The following TOX variants were observed in gnomAD, a reference collection of about 807,000 sequenced individuals.
The protein encoded by TOX is thymocyte selection-associated high mobility group box protein TOX.
Under a neutral mutation model 53.7 loss-of-function variants are expected in TOX, and 11 were observed. That is an observed-to-expected ratio of 0.20 (90% CI 0.13 to 0.34). TOX has a LOEUF of 0.34. Among genes scored for constraint, TOX ranks in the 10% least tolerant of loss-of-function variants. The pLI is 1.00. For synonymous variants in TOX, 225 were observed against 245.3 expected (o/e 0.92, Z 0.77); for missense variants, 570 against 664.6 (o/e 0.86, Z 1.56).
intron 1 of TOX, among the ~76,000 whole-genome samples, chr8:59,084,625 C>T: frequency 6.6e-6 from 1 of 152,102 alleles, no homozygotes; most frequent in East Asian, 1.9e-4. Context: ...TTTAAGACTT[C>T]AATAGATTGG....
chr8:58,980,585 T>C (rs577657566), intron 1 of TOX, among the ~76,000 whole-genome samples: 1 of 152,340 alleles, frequency 6.6e-6, no homozygotes, highest in South Asian at 2.1e-4. Flanking sequence ...ATTGATTGAC[T>C]AATTAATTCA....
intron 1 of TOX, among the ~76,000 whole-genome samples, chr8:59,017,169 T>C (rs1384384909): frequency 6.6e-6 from 1 of 152,248 alleles, no homozygotes; most frequent in Non-Finnish European, 1.5e-5. Context: ...ATTACTAACA[T>C]TCCGCAAGTA....
At chr8:58,993,264 T>C (rs1813490282) in intron 1 of TOX, among the ~76,000 whole-genome samples, 4 of 152,232 alleles carry the variant, frequency 2.6e-5, no homozygotes, top group Admixed American at 2.0e-4. Flanking sequence ...ATATACTGTT[T>C]TAATTAAGAT....
chr8:58,967,013 T>C (rs1296627140), intron 1 of TOX, among the ~76,000 whole-genome samples: 2 of 151,988 alleles, frequency 1.3e-5, no homozygotes, highest in East Asian at 3.9e-4. Context: ...TAGCTGGGAC[T>C]ACGGGCGCCC....
intron 3 of TOX, among the ~76,000 whole-genome samples, chr8:58,923,614 C>T (rs1262643270): frequency 2.0e-5 from 3 of 152,176 alleles, no homozygotes; most frequent in Non-Finnish European, 4.4e-5. Context: ...TGATTCCTTA[C>T]ATCATTTTAT....
chr8:59,110,741 G>T (rs1805002001), intron 1 of TOX, among the ~76,000 whole-genome samples: 1 of 151,750 alleles, frequency 6.6e-6, no homozygotes, highest in South Asian at 2.1e-4. Context: ...GCCCCCCGGG[G>T]GGCCTATCAA....
At chr8:59,067,381 C>T (rs1160211767) in intron 1 of TOX, among the ~76,000 whole-genome samples, 3 of 151,964 alleles carry the variant, frequency 2.0e-5, no homozygotes, top group Non-Finnish European at 4.4e-5. Flanking sequence ...TGGTGAAACC[C>T]CATCTCTACT....
chr8:59,102,553 A>G (rs183896358), intron 1 of TOX, among the ~76,000 whole-genome samples: 1 of 152,188 alleles, frequency 6.6e-6, no homozygotes, highest in Non-Finnish European at 1.5e-5. Context: ...TAAAACCATC[A>G]GAACTCGTGA....
intron 1 of TOX, among the ~76,000 whole-genome samples, chr8:59,072,648 T>C (rs1453739624): frequency 6.6e-6 from 1 of 152,226 alleles, no homozygotes; most frequent in Non-Finnish European, 1.5e-5. Flanking sequence ...TTGTAGACCA[T>C]GATACTATCT....
chr8:59,101,101 C>T (rs900920223), intron 1 of TOX, among the ~76,000 whole-genome samples: 13 of 152,052 alleles, frequency 8.5e-5, no homozygotes, highest in Admixed American at 5.9e-4. Flanking sequence ...AAAGGAAAAG[C>T]GCAGAGAGGG....
intron 1 of TOX, among the ~76,000 whole-genome samples, chr8:59,068,569 T>G (rs952099706): frequency 2.6e-5 from 4 of 152,212 alleles, no homozygotes; most frequent in African/African-American, 9.6e-5. Flanking sequence ...TTATTGAGAC[T>G]TACTCTTCTT....
intron 3 of TOX, among the ~76,000 whole-genome samples, chr8:58,927,864 T>TC (rs1421171779): frequency 6.6e-6 from 1 of 151,974 alleles, no homozygotes; most frequent in African/African-American, 2.4e-5. Flanking sequence ...TGGAATCACT[T>TC]CCCCACGGTC....
intron 3 of TOX, among the ~76,000 whole-genome samples, chr8:58,926,925 G>C (rs559362528): frequency 4.2e-4 from 64 of 152,272 alleles, no homozygotes; most frequent in African/African-American, 1.5e-3. Flanking sequence ...TAGCTGGAAA[G>C]CTAATGTCTT....
intron 3 of TOX, among the ~76,000 whole-genome samples, chr8:58,899,677 A>G (rs1423582751): frequency 6.6e-6 from 1 of 152,224 alleles, no homozygotes; most frequent in Non-Finnish European, 1.5e-5. Context: ...GGAATCCAAA[A>G]TGCTCTGAAA....
intron 3 of TOX, among the ~76,000 whole-genome samples, chr8:58,872,346 G>A (rs980637470): frequency 3.3e-5 from 5 of 152,024 alleles, no homozygotes; most frequent in Non-Finnish European, 7.4e-5. Context: ...CAATGCCAAA[G>A]AATTTCAAAT....
intron 3 of TOX, among the ~76,000 whole-genome samples, chr8:58,924,952 A>G (rs886417964): frequency 7.2e-5 from 11 of 152,320 alleles, no homozygotes; most frequent in Admixed American, 2.6e-4. Flanking sequence ...ATGCGAGAGA[A>G]TGTGGGGTGG....
At chr8:58,920,761 A>AG (rs1812058724) in intron 3 of TOX, among the ~76,000 whole-genome samples, 1 of 148,014 alleles carries the variant, frequency 6.8e-6, no homozygotes. Flanking sequence ...AAAAAAAAAA[A>AG]GAATCTCTGA....
intron 1 of TOX, among the ~76,000 whole-genome samples, chr8:59,098,955 TATG>T (rs1804759771): frequency 6.6e-6 from 1 of 152,202 alleles, no homozygotes; most frequent in African/African-American, 2.4e-5. Context: ...GCCAACATGT[TATG>T]ATGGAACTAG....
intron 6 of TOX, among the ~76,000 whole-genome samples, chr8:58,817,364 G>A (rs755330778): frequency 6.6e-6 from 1 of 151,398 alleles, no homozygotes; most frequent in Non-Finnish European, 1.5e-5. Flanking sequence ...TTTATTAAAT[G>A]TAGCTCCTAA....
Sources: gnomAD v4.1 joint callset for allele counts (sites outside exome capture counted in the v4.1 genomes callset) on GRCh38, gnomAD v4.1.1 for gene constraint, MANE v1.5 for transcripts, NCBI Gene and HGNC (gene_info 2026-07-23, HGNC 2026-07-21) for gene names.